NAPRT: variants seen among roughly 807,000 people sequenced by gnomAD.
NAPRT encodes the protein FHA-HIT-interacting protein.
In NAPRT, 66 loss-of-function variants were observed where a neutral mutation model predicts 60.7. That is an observed-to-expected ratio of 1.09 (90% CI 0.89 to 1.33). The LOEUF (loss-of-function observed/expected upper bound fraction) is 1.33. Ranked by LOEUF, NAPRT falls within the 40% of genes most tolerant of loss-of-function variation. The pLI is 0.00. For missense variants in NAPRT, 818 were observed against 731.5 expected (o/e 1.12, Z -1.36); for synonymous variants, 405 against 335.7 (o/e 1.21, Z -2.26).
chr8:143,578,051 T>TCTGCCGGGCGTGGGGGGCTC, intron 1 of NAPRT, 42 bp downstream of exon 1: 1 of 1,420,048 alleles, frequency 7.0e-7, no homozygotes, highest in Non-Finnish European at 9.4e-7. Context: ...GGTGGGGGTT[T>TCTGCCGGGCGTGGGGGGCTC]CTGCCGGGCG....
At position 143,577,881 on chromosome 8, in the gene NAPRT, G is replaced by C. The variant is rs973342578; in HGVS notation, c.289C>G (p.Arg97Gly). 6.2e-7 allele frequency: 1 copy of C among 1,612,196 alleles called. No individual in the cohort carries two copies. The highest frequency in any genetic ancestry group is 1.3e-5 in the African/African-American group (1 of 74,912). Residue 97 changes from arginine to glycine, a missense_variant, in exon 2 of 13, where the codon CGG becomes GGG. Arg to Gly is a moderately radical substitution (Grantham distance 125). Coordinates refer to ENST00000449291, the MANE Select transcript of NAPRT (RefSeq NM_145201.6). Reference protein sequence around the residue: ...DTDPAFFEHLRALDCSEVTVR... With the variant: ...DTDPAFFEHLGALDCSEVTVR... The stretch of plus-strand genomic sequence containing the variant: ...GTCACCTCGGAGCAGTCGAGGGCCC[G>C]AAGGTGCTCGAAGAACGCAGGATCC...
In NAPRT at chr8:143,578,315, C is replaced by CCATCCTGCTCCCGACGT. The variant is rs1245143609; in HGVS notation, c.3_4insACGTCGGGAGCAGGATG (p.Ala2ThrfsTer109). 3.7e-5 allele frequency: 51 copies of CCATCCTGCTCCCGACGT among 1,362,784 alleles called. 1 individual carries two copies. The East Asian group carries it at 1.3e-3, about 34-fold the overall frequency. The allele number at this position is 1,362,784 out of a possible 1,614,324, so 84.4% of individuals were successfully genotyped here. A position where few individuals can be genotyped will look rare whatever the true frequency, so the allele number is the denominator to read the frequency against. ...CGCGCCTCGGGGTCCTGCTCCGCCG[C>CCATCCTGCTCCCGACGT]CATCCTGCTCCCGACGTCCGGACTC... On this transcript the variant is annotated frameshift_variant, in exon 1 of 13. Coordinates refer to ENST00000449291, the MANE Select transcript of NAPRT (RefSeq NM_145201.6). LOFTEE classifies it high-confidence loss of function.
At position 143,576,663 on chromosome 8, in the gene NAPRT, G is replaced by A. The variant is rs1824484336; in HGVS notation, c.864C>T (p.Asp288=). The A allele has an allele frequency of 1.2e-6, 2 of 1,611,304 alleles. No homozygotes were observed. The highest frequency in any genetic ancestry group is 1.7e-6 in the Non-Finnish European group (2 of 1,179,274). Residue 288 remains aspartate, a synonymous_variant, in exon 6 of 13, where the codon GAC becomes GAT. Coordinates refer to ENST00000449291, the MANE Select transcript of NAPRT (RefSeq NM_145201.6). ...AFPRAFQGLL[D]TYSVWRSGLP... is the part of the protein sequence containing the mutation. ...GGGCTCACCTCCACACGCTGTAGGTGTCCAGGAGGCCCTGGAAGGCCCGGG... is the reference window on the plus strand; with the variant it reads ...GGGCTCACCTCCACACGCTGTAGGTATCCAGGAGGCCCTGGAAGGCCCGGG...
Position 143,575,357 on chromosome 8 carries a change from G to C in NAPRT, c.1292-12C>G. The C allele has an allele frequency of 6.2e-7, 1 of 1,605,366 alleles. No homozygotes were observed. Among genetic ancestry groups the C allele is most frequent in the Non-Finnish European group, 8.5e-7 (1 of 1,173,752 alleles). ...CATGAGTGGAGACCCTGTGTGGACG[G>C]GGCAAGAATAAGCGGGGGCCCTGGT... On this transcript the variant is annotated splice_polypyrimidine_tract_variant and intron_variant, in intron 10 of 12. Transcript: ENST00000449291.
chr8:143,578,060 C>T (rs1243458420), intron 1 of NAPRT, 33 bp downstream of exon 1: 2 of 1,427,484 alleles, frequency 1.4e-6, no homozygotes, highest in Non-Finnish European at 1.8e-6. Context: ...TTCTGCCGGG[C>T]GTGGGGGGCT....
intron 1 of NAPRT, 36 bp downstream of exon 1, chr8:143,578,057 G>A (rs759643881): frequency 3.1e-5 from 47 of 1,492,178 alleles, no homozygotes; most frequent in East Asian, 4.8e-5. Flanking sequence ...GGTTTCTGCC[G>A]GGCGTGGGGG....
chr8:143,577,069 G>C lies in NAPRT; in HGVS notation c.677C>G (p.Pro226Arg), dbSNP rs538091257. The C allele has an allele frequency of 3.1e-6, 5 of 1,612,444 alleles. No homozygotes were observed. The highest frequency in any genetic ancestry group is 4.2e-6 in the Non-Finnish European group (5 of 1,179,564). ...VTSFSGSEVP[P>R]DPMLAPAAGE... ...TTTAGAGGAGGGACTGACCGGGTCA[G>C]GGGGCACCTCGCTGCCTGAAAAGGA... is the stretch of plus-strand genomic sequence containing the variant. The change falls in exon 5 of 13, where the codon CCT becomes CGT. Residue 226 changes from proline to arginine, a missense_variant. Transcript: ENST00000449291.
intron 6 of NAPRT, 24 bp from the exon 7 acceptor site, chr8:143,576,596 A>G: frequency 6.2e-7 from 1 of 1,607,062 alleles, no homozygotes; most frequent in Non-Finnish European, 8.5e-7. Context: ...TAAGGGAGTC[A>G]GAGGCTGCTG....
At chr8:143,574,565 G>A, downstream of NAPRT, 1 of 590,906 alleles carries the variant, frequency 1.7e-6, no homozygotes, top group African/African-American at 1.9e-5. Flanking sequence ...TCTAGTGTGG[G>A]ATCTGACTCC....
chr8:143,578,286 C>A lies in NAPRT; in HGVS notation c.33G>T (p.Ala11=), dbSNP rs565280616. 1.4e-6 allele frequency: 2 copies of A among 1,408,762 alleles called. No individual in the cohort carries two copies. The highest frequency in any genetic ancestry group is 2.3e-4 in the Middle Eastern group (1 of 4,438). 87.3% of individuals were successfully genotyped at this position (1,408,762 alleles called of 1,614,324 possible). A position where few individuals can be genotyped will look rare whatever the true frequency, so the allele number is the denominator to read the frequency against. Residue 11 remains alanine, a synonymous_variant, in exon 1 of 13, where the codon GCG becomes GCT. Transcript: ENST00000449291. MAAEQDPEAR[A]AARPLLTDLY... ...GGTCAGTGAGCAGCGGCCGCGCCGC[C>A]GCGCGCGCCTCGGGGTCCTGCTCCG...
rs763472448 is a variant in NAPRT, at chr8:143,575,653, G to A, written c.1157C>T (p.Pro386Leu). The change falls in exon 9 of 13, where the codon CCC becomes CTC. Residue 386 changes from proline to leucine, a missense_variant. Physicochemically the swap from Pro to Leu is moderately conservative, Grantham distance 98 (BLOSUM62 -3). Coordinates refer to ENST00000449291, the MANE Select transcript of NAPRT (RefSeq NM_145201.6). ...GACGCCACCCAGGGAAGGCTGTTGGGGGCAGGTGACCACACTGGTGCCAAT... is the reference window on the plus strand; with the variant it reads ...GACGCCACCCAGGGAAGGCTGTTGGAGGCAGGTGACCACACTGGTGCCAAT... Reference protein sequence around the residue: ...IGIGTSVVTCPQQPSLGGVYK... With the variant: ...IGIGTSVVTCLQQPSLGGVYK... 1.1e-5 allele frequency: 18 copies of A among 1,596,030 alleles called. No homozygotes were observed. In the Admixed American group the frequency reaches 1.2e-4, roughly 11 times the overall value.
At position 143,575,566 on chromosome 8, in the gene NAPRT, C is replaced by G. The variant is rs763144993; in HGVS notation, c.1189-41G>C. The G allele has an allele frequency of 4.4e-6, 7 of 1,588,468 alleles. No homozygotes were observed. The South Asian group carries it at 6.7e-5, about 15-fold the overall frequency. ...GTTGAGCTGGCTGGTCCTTATCCCC[C>G]ACCCAGCACCATCCCTCAGACCTGC... On this transcript the variant is annotated intron_variant, in intron 9 of 12. Transcript: ENST00000449291.
chr8:143,577,482 T>C, intron 3 of NAPRT, 83 bp from the exon 4 acceptor site: 2 of 1,498,698 alleles, frequency 1.3e-6, no homozygotes, highest in Non-Finnish European at 1.8e-6. Context: ...GCCTGGAACT[T>C]CCAACCTGGG....
chr8:143,574,833 G>C lies in NAPRT; in HGVS notation c.*5C>G. Reference sequence around the variant, plus strand: ...TGTTGTTTCCAGTCAGCCCCGCTCCGAGTCTCAGGGGGACTGCCCCGCACA... The same window carrying C: ...TGTTGTTTCCAGTCAGCCCCGCTCCCAGTCTCAGGGGGACTGCCCCGCACA... On this transcript the variant is annotated 3_prime_UTR_variant, in exon 13 of 13. Transcript: ENST00000449291. 5 of 1,550,688 alleles carry C rather than the reference G, an allele frequency of 3.2e-6. No individual in the cohort carries two copies. The highest frequency in any genetic ancestry group is 4.4e-6 in the Non-Finnish European group (5 of 1,146,970).
rs747172160 is a variant in NAPRT at position 143,578,062 on chromosome 8, T to TG, written c.226+30dup. The TG allele has an allele frequency of 1.8e-5, 24 of 1,349,124 alleles. No homozygotes were observed. The Middle Eastern group carries it at 7.5e-4, about 42-fold the overall frequency. 83.6% of individuals were successfully genotyped at this position (1,349,124 alleles called of 1,614,324 possible). On this transcript the variant is annotated intron_variant, in intron 1 of 12. Coordinates refer to ENST00000449291, the MANE Select transcript of NAPRT (RefSeq NM_145201.6). ...CATAGGTGGGGGTTTCTGCCGGGCG[T>TG]GGGGGGCTCGTCGCGCGGACGGGGG...
chr8:143,577,502 C>T, intron 3 of NAPRT, 103 bp from the exon 4 acceptor site: 2 of 1,465,510 alleles, frequency 1.4e-6, no homozygotes, highest in Admixed American at 2.1e-5. Flanking sequence ...GAGCTCCACC[C>T]TCACCCAGCC....
At chr8:143,577,568 G>T in intron 3 of NAPRT, 89 bp downstream of exon 3, 1 of 1,494,438 alleles carries the variant, frequency 6.7e-7, no homozygotes, top group Non-Finnish European at 9.0e-7. Flanking sequence ...CCCCTGGGCA[G>T]CCAGCCCCGC....
rs1824437214 is a variant in NAPRT at position 143,576,113 on chromosome 8, T to C, written c.1072A>G (p.Ile358Val). The change falls in exon 8 of 13, where the codon ATT becomes GTT. Residue 358 changes from isoleucine (I) to valine (V), a missense_variant. By Grantham distance (29) the Ile-to-Val change is conservative (BLOSUM62 3). Transcript: ENST00000449291. ...ESVLIVVSNN[I>V]DEEALARLAQ... ...AGTCGGGCCAGCGCCTCCTCGTCAA[T>C]GTTGTTGCTGACTACGATGAGGACT... is the stretch of plus-strand genomic sequence containing the variant. 1.2e-6 allele frequency: 2 copies of C among 1,606,020 alleles called. No individual in the cohort carries two copies. The highest frequency in any genetic ancestry group is 1.7e-6 in the Non-Finnish European group (2 of 1,175,096).
Position 143,577,902 on chromosome 8 carries a change from G to T in NAPRT, c.268C>A (p.Pro90Thr), listed in dbSNP as rs376515994. ...LASVLPPDTDPAFFEHLRALD... is the reference protein window; with the variant it reads ...LASVLPPDTDTAFFEHLRALD... ...GCCCGAAGGTGCTCGAAGAACGCAGGATCCGTGTCTGGGGGCAGCACCGAG... is the reference window on the plus strand; with the variant it reads ...GCCCGAAGGTGCTCGAAGAACGCAGTATCCGTGTCTGGGGGCAGCACCGAG... Residue 90 changes from proline (P) to threonine (T), a missense_variant, in exon 2 of 13, where the codon CCT becomes ACT. By Grantham distance (38) the Pro-to-Thr change is conservative (BLOSUM62 -1). Transcript: ENST00000449291. 4.3e-6 allele frequency: 7 copies of T among 1,612,096 alleles called. No homozygotes were observed. In the African/African-American group the frequency reaches 9.3e-5, roughly 22 times the overall value.
Sources: allele counts gnomAD v4.1 joint callset, GRCh38; gene constraint gnomAD v4.1.1; transcripts MANE v1.5; gene names NCBI Gene and HGNC (gene_info 2026-07-23, HGNC 2026-07-21).